Variants in SLC22A6 observed in about 807,000 individuals in gnomAD.
SLC22A6 encodes the protein PAH transporter.
A neutral mutation model predicts 56.7 loss-of-function variants in SLC22A6; 45 were observed. The observed-to-expected ratio is 0.79, with a 90% CI of 0.63 to 1.02. The LOEUF (loss-of-function observed/expected upper bound fraction) is 1.02. Among genes scored for constraint, SLC22A6 ranks in the 50% least tolerant of loss-of-function variants. The pLI, the probability that SLC22A6 is intolerant of heterozygous loss-of-function variation, is 0.00. For synonymous variants in SLC22A6, 291 were observed against 295.9 expected, an observed-to-expected ratio of 0.98 and a Z score of 0.17; for missense variants, 606 against 713.8, an observed-to-expected ratio of 0.85 and a Z score of 1.72.
Position 62,979,954 on chromosome 11 carries a change from A to G in SLC22A6, c.1038-6T>C. On this transcript the variant is annotated splice_region_variant and splice_polypyrimidine_tract_variant and intron_variant, in intron 6 of 9. Coordinates refer to ENST00000360421, the MANE Select transcript of SLC22A6 (RefSeq NM_153276.3). ...ATGCAAAGCTAGTGGCAAACCTAGC[A>G]GAGAGAAGAGAGGAGTATGGAGTTT... is the stretch of plus-strand genomic sequence containing the variant. 1 of 1,605,804 alleles carries G rather than the reference A, an allele frequency of 6.2e-7. No homozygotes were observed. The highest frequency in any genetic ancestry group is 1.1e-5 in the South Asian group (1 of 90,918).
intron 4 of SLC22A6, 123 bp downstream of exon 4, chr11:62,981,719 G>T: frequency 2.0e-6 from 2 of 999,372 alleles, no homozygotes; most frequent in Non-Finnish European, 1.4e-6. Flanking sequence ...CAGAGGCATT[G>T]GACTGGGTTT....
In SLC22A6 at chr11:62,983,811, A is replaced by G; in HGVS notation, c.474-120T>C. 8.3e-7 allele frequency: 1 copy of G among 1,209,382 alleles called. No homozygotes were observed. Among genetic ancestry groups the G allele is most frequent in the South Asian group, 1.5e-5 (1 of 66,982 alleles). 74.9% of individuals were successfully genotyped at this position (1,209,382 alleles called of 1,614,324 possible). A position where few individuals can be genotyped will look rare whatever the true frequency, so the allele number is the denominator to read the frequency against. On this transcript the variant is annotated intron_variant, in intron 2 of 9. Transcript: ENST00000360421. This position sits in a 1 kb window ranked among gnomAD's most constrained non-coding sequence, Gnocchi z 4.5. ...GCTGGGGCCTTTTGAGGACCTCTGA[A>G]GTATGAGGCTGGTGCTGTAGATCCT... is the stretch of plus-strand genomic sequence containing the variant.
chr11:62,976,964 G>A (rs547518343), intron 9 of SLC22A6, 83 bp from the exon 10 acceptor site: 28 of 1,516,564 alleles, frequency 1.8e-5, no homozygotes, highest in Middle Eastern at 1.8e-4. Context: ...GGGGGTCTCC[G>A]CTCAGCTATG....
At position 62,983,478 on chromosome 11, in the gene SLC22A6, T is replaced by A. The variant is rs1288721642; in HGVS notation, c.628+59A>T. On this transcript the variant is annotated intron_variant, in intron 3 of 9. Transcript: ENST00000360421. The surrounding 1 kb of genome is among the most constrained non-coding windows in gnomAD (Gnocchi z 4.5). ...GGAGGGGCAGGCTGGGAGGGGAGGC[T>A]GGAAAGGGGTTGCTGGGCTGGGTGG... 4.6e-6 allele frequency: 7 copies of A among 1,531,150 alleles called. No individual in the cohort carries two copies. In the Admixed American group the frequency reaches 1.4e-4, roughly 31 times the overall value. 94.8% of individuals were successfully genotyped at this position (1,531,150 alleles called of 1,614,324 possible). A position where few individuals can be genotyped will look rare whatever the true frequency, so the allele number is the denominator to read the frequency against.
At position 62,977,318 on chromosome 11, in the gene SLC22A6, C is replaced by T. The variant is rs1239443098; in HGVS notation, c.1431G>A (p.Met477Ile). The change falls in exon 9 of 10, where the codon ATG becomes ATA. Residue 477 changes from methionine to isoleucine, a missense_variant. Coordinates refer to ENST00000360421, the MANE Select transcript of SLC22A6 (RefSeq NM_153276.3). ...VGSIVSPLVS[M>I]TAELYPSMPL... ...GCATGGAGGGGTAGAGCTCGGCAGT[C>T]ATGCTCACCAGTGGGCTCACGATGC... The T allele has an allele frequency of 2.5e-6, 4 of 1,612,954 alleles. No individual in the cohort carries two copies. The highest frequency in any genetic ancestry group is 3.4e-6 in the Non-Finnish European group (4 of 1,179,792).
At chr11:62,979,270 C>G (rs1246704843) in intron 8 of SLC22A6, among the ~76,000 whole-genome samples, 5 of 152,170 alleles carry the variant, frequency 3.3e-5, no homozygotes, top group Non-Finnish European at 7.3e-5. Flanking sequence ...CTTTTGAGAT[C>G]TTCTAGGGTC....
chr11:62,977,164 C>T lies in SLC22A6; in HGVS notation c.1565+20G>A. 6.2e-7 allele frequency: 1 copy of T among 1,614,180 alleles called. No individual in the cohort carries two copies. Among genetic ancestry groups the T allele is most frequent in the Non-Finnish European group, 8.5e-7 (1 of 1,180,044 alleles). On this transcript the variant is annotated intron_variant, in intron 9 of 9. Transcript: ENST00000360421. ...TGTTACCTGGGATATATCCCTGCTT[C>T]TTTCTGAGTGGGGGCCCACCTGCTC...
chr11:62,983,990 C>A lies in SLC22A6; in HGVS notation c.427G>T (p.Val143Leu). The A allele has an allele frequency of 6.2e-7, 1 of 1,613,984 alleles. No homozygotes were observed. The highest frequency in any genetic ancestry group is 8.5e-7 in the Non-Finnish European group (1 of 1,179,942). ...ACCATGGCTCCGAGCAGCACCCCCA[C>A]CATGTACAAGGACTGGGCCAGCTGG... ...LRQLAQSLYM[V>L]GVLLGAMVFG... The change falls in exon 2 of 10, where the codon GTG (valine) becomes TTG (leucine). Residue 143 changes from valine (V) to leucine (L), a missense_variant. Coordinates refer to ENST00000360421, the MANE Select transcript of SLC22A6 (RefSeq NM_153276.3). The surrounding 1 kb of genome is among the most constrained non-coding windows in gnomAD (Gnocchi z 4.5).
Position 62,977,373 on chromosome 11 carries a change from C to T in SLC22A6, c.1376G>A (p.Gly459Glu). The change falls in exon 9 of 10, where the codon GGA (glycine) becomes GAA (glutamate). Residue 459 changes from glycine (G) to glutamate (E), a missense_variant. By Grantham distance (98) the Gly-to-Glu change is moderately conservative (BLOSUM62 -2). Transcript: ENST00000360421. ...YPTMIRQTGMGMGSTMARVGS... is the reference protein window; with the variant it reads ...YPTMIRQTGMEMGSTMARVGS... ...CACTCGGGCCATGGTGCTGCCCATT[C>T]CCATGCCTGTCTGCCTGCAGGGCCC... The T allele has an allele frequency of 6.2e-7, 1 of 1,610,392 alleles. No homozygotes were observed.
At chr11:62,981,226 G>A in intron 5 of SLC22A6, 34 bp downstream of exon 5, 1 of 1,608,568 alleles carries the variant, frequency 6.2e-7, no homozygotes, top group Non-Finnish European at 8.5e-7. Context: ...TGAAGCCCTG[G>A]GAGGTTATCA....
At position 62,977,321 on chromosome 11, in the gene SLC22A6, G is replaced by A. The variant is rs1181669528; in HGVS notation, c.1428C>T (p.Ser476=). The change falls in exon 9 of 10, where the codon AGC becomes AGT. Residue 476 remains serine, a synonymous_variant. Coordinates refer to ENST00000360421, the MANE Select transcript of SLC22A6 (RefSeq NM_153276.3). The part of the protein sequence containing the change: ...RVGSIVSPLV[S]MTAELYPSMP... ...TGGAGGGGTAGAGCTCGGCAGTCATGCTCACCAGTGGGCTCACGATGCTGC... is the reference window on the plus strand; with the variant it reads ...TGGAGGGGTAGAGCTCGGCAGTCATACTCACCAGTGGGCTCACGATGCTGC... 1.2e-6 allele frequency: 2 copies of A among 1,610,890 alleles called. No individual in the cohort carries two copies. Among genetic ancestry groups the A allele is most frequent in the Non-Finnish European group, 8.5e-7 (1 of 1,179,022 alleles).
intron 9 of SLC22A6, 70 bp from the exon 10 acceptor site, chr11:62,976,951 C>A: frequency 6.4e-7 from 1 of 1,567,764 alleles, no homozygotes; most frequent in Non-Finnish European, 8.8e-7. Context: ...ATGGAGGCTC[C>A]CAGGGGGTCT....
rs565938595 is a variant in SLC22A6, at chr11:62,977,254, C to T, written c.1495G>A (p.Ala499Thr). The T allele has an allele frequency of 2.8e-5, 45 of 1,614,110 alleles. No homozygotes were observed. In the Admixed American group the frequency reaches 2.8e-4, roughly 10 times the overall value. ...GTCTCTGGCAGGAGGACAGTGACAG[C>T]GCTGGCGGCCACAGGAACAGCACCG... ...IYGAVPVAAS[A>T]VTVLLPETLG... is the part of the protein sequence containing the mutation. Residue 499 changes from alanine (A) to threonine (T), a missense_variant, in exon 9 of 10, where the codon GCT becomes ACT. Transcript: ENST00000360421.
chr11:62,977,673 C>T (rs1411405162), intron 8 of SLC22A6, among the ~76,000 whole-genome samples: 13 of 152,148 alleles, frequency 8.5e-5, no homozygotes, highest in African/African-American at 3.1e-4. Context: ...GGGTTCTGGC[C>T]AGAGAATAAG....
Position 62,977,210 on chromosome 11 carries a change from TG to T in SLC22A6, c.1538del (p.Pro513GlnfsTer41), listed in dbSNP as rs1323347444. The stretch of plus-strand genomic sequence containing the variant: ...TGCTCTCCAGGTCCTGCACCGTGTC[TG>T]GCAGTGGCTGGCCCAGGGTCTCTGG... ...LLPETLGQPL[P>X]DTVQDLESRK... On this transcript the variant is annotated frameshift_variant, in exon 9 of 10. Transcript: ENST00000360421. LOFTEE classifies it high-confidence loss of function. The T allele has an allele frequency of 6.2e-7, 1 of 1,614,216 alleles. No individual in the cohort carries two copies. Among genetic ancestry groups the T allele is most frequent in the Admixed American group, 1.7e-5 (1 of 60,028 alleles).
intron 9 of SLC22A6, 106 bp downstream of exon 9, chr11:62,977,078 A>C: frequency 6.3e-7 from 1 of 1,595,872 alleles, no homozygotes; most frequent in Non-Finnish European, 8.6e-7. Context: ...AAAGGGACAC[A>C]GAGCTTTGGG....
rs1208500759 is a variant in SLC22A6, at chr11:62,983,194, G to A, written c.628+343C>T. Among the ~76,000 whole-genome samples, 4 of 152,064 alleles carry A rather than the reference G, an allele frequency of 2.6e-5. No homozygotes were observed. The highest frequency in any genetic ancestry group is 4.8e-5 in the African/African-American group (2 of 41,414). Reference sequence around the variant, plus strand: ...CGAGTAGCTGGGACTACAGGCGCCTGCCATCACACCTGGCTAATTTTTTGT... The same window carrying A: ...CGAGTAGCTGGGACTACAGGCGCCTACCATCACACCTGGCTAATTTTTTGT... On this transcript the variant is annotated intron_variant, in intron 3 of 9. Coordinates refer to ENST00000360421, the MANE Select transcript of SLC22A6 (RefSeq NM_153276.3). This position sits in a 1 kb window ranked among gnomAD's most constrained non-coding sequence, Gnocchi z 4.5.
chr11:62,977,512 C>T, intron 8 of SLC22A6, 125 bp from the exon 9 acceptor site: 1 of 1,125,822 alleles, frequency 8.9e-7, no homozygotes, highest in Non-Finnish European at 1.2e-6. Context: ...TCCTCTCTTC[C>T]CCATTTGATT....
At position 62,981,247 on chromosome 11, in the gene SLC22A6, CAG is replaced by C; in HGVS notation, c.921+11_921+12del. ...CCTGGGAGGTTATCATGGGAAGTCT[CAG>C]GGGATCTCACCTCCATACTCAATTT... On this transcript the variant is annotated intron_variant, in intron 5 of 9. Coordinates refer to ENST00000360421, the MANE Select transcript of SLC22A6 (RefSeq NM_153276.3). The C allele has an allele frequency of 1.2e-6, 2 of 1,609,692 alleles. No homozygotes were observed. The highest frequency in any genetic ancestry group is 1.1e-5 in the South Asian group (1 of 89,938).
Sources: gnomAD v4.1 joint callset for allele counts (sites outside exome capture counted in the v4.1 genomes callset) on GRCh38, gnomAD v4.1.1 for gene constraint, Gnocchi (gnomAD v3.1) non-coding constraint, MANE v1.5 for transcripts, NCBI Gene and HGNC (gene_info 2026-07-23, HGNC 2026-07-21) for gene names.